Variants in CUBN observed in about 807,000 individuals in gnomAD.
CUBN encodes the protein 460 kDa receptor.
CUBN carries 282 observed loss-of-function variants against 405.3 expected under a neutral mutation model. That is an observed-to-expected ratio of 0.70 (90% CI 0.63 to 0.77). CUBN has a LOEUF of 0.77. Ranked by LOEUF, CUBN falls within the 30% of genes least tolerant of loss-of-function variation. The pLI is 0.00. For missense variants in CUBN, 4,514 were observed against 4,475.2 expected, an observed-to-expected ratio of 1.01 and a Z score of -0.25; for synonymous variants, 1,684 against 1,617.0, an observed-to-expected ratio of 1.04 and a Z score of -0.99.
chr10:17,009,195 T>G lies in CUBN; in HGVS notation c.4168+10638A>C, dbSNP rs184394215. Among the ~76,000 whole-genome samples, 1,066 of 152,372 alleles carry G rather than the reference T, an allele frequency of 7.0e-3. 8 individuals are homozygous for G. The highest frequency in any genetic ancestry group is 0.012 in the Non-Finnish European group (791 of 68,042). On this transcript the variant is annotated intron_variant, in intron 28 of 66. Transcript: ENST00000377833. ...CCTCCCAAGTATAATTTACATATTG[T>G]GAGCAGCACAGAGTTAAAAAACAAT...
At position 16,835,037 on chromosome 10, in the gene CUBN, C is replaced by T. The variant is rs772809239; in HGVS notation, c.10339G>A (p.Glu3447Lys). 2 of 1,613,946 alleles carry T rather than the reference C, an allele frequency of 1.2e-6. No individual in the cohort carries two copies. The highest frequency in any genetic ancestry group is 1.6e-4 in the Middle Eastern group (1 of 6,084). ...ACCTCCAAGAAATCGTTTCTGCATT[C>T]AACTGAGTTCTCGATGCCAAGTGAA... ...FHSLGIENSVECRNDFLEVRN... is the reference protein window; with the variant it reads ...FHSLGIENSVKCRNDFLEVRN... The change falls in exon 64 of 67, where the codon GAA (glutamate) becomes AAA (lysine). Residue 3447 changes from glutamate to lysine, a missense_variant. Glu to Lys is a moderately conservative substitution (Grantham distance 56). This residue lies in a region of CUBN where 1,186 missense variants were observed against 1,186.9 expected (regional missense o/e 1.00). Transcript: ENST00000377833.
chr10:17,095,494 T>C (rs980009556), intron 14 of CUBN, among the ~76,000 whole-genome samples: 2 of 151,966 alleles, frequency 1.3e-5, no homozygotes, highest in Non-Finnish European at 2.9e-5. Flanking sequence ...TCAACAAATA[T>C]ATGAGAAAAT....
intron 22 of CUBN, among the ~76,000 whole-genome samples, chr10:17,057,696 T>C (rs1454621775): frequency 6.6e-6 from 1 of 151,934 alleles, no homozygotes; most frequent in Non-Finnish European, 1.5e-5. Flanking sequence ...AAAAAAAAGC[T>C]CAACTATCTA....
chr10:16,886,242 T>C (rs774168798), intron 56 of CUBN, among the ~76,000 whole-genome samples: 5 of 152,186 alleles, frequency 3.3e-5, no homozygotes, highest in Admixed American at 1.3e-4. Context: ...AGTGAGGTCA[T>C]AGGAAAAAGG....
chr10:16,896,670 T>G (rs1841191608), intron 54 of CUBN, among the ~76,000 whole-genome samples: 2 of 152,246 alleles, frequency 1.3e-5, no homozygotes, highest in African/African-American at 4.8e-5. Flanking sequence ...TTGGTTTAGG[T>G]TCACTCAGCT....
At chr10:16,859,499 ATGGGGGTCCCCAG>A (rs1432653063) in intron 59 of CUBN, among the ~76,000 whole-genome samples, 1 of 152,264 alleles carries the variant, frequency 6.6e-6, no homozygotes, top group East Asian at 1.9e-4. Flanking sequence ...CAGGGGAGGG[ATGGGGGTCCCCAG>A]TTATAGAAAG....
rs762033176 is a variant in CUBN at position 16,940,047 on chromosome 10, C to T, written c.5533G>A (p.Ala1845Thr). ...AACAACTTACTCTTCATAAATGTGG[C>T]CTGGAAGCCCGTGCCGCTGCCAGAA... Reference protein sequence around the residue: ...DGSGSGTGFQATFMKIFGNDN... With the variant: ...DGSGSGTGFQTTFMKIFGNDN... The change falls in exon 37 of 67, where the codon GCC (alanine) becomes ACC (threonine). Residue 1845 changes from alanine (A) to threonine (T), a missense_variant. Coordinates refer to ENST00000377833, the MANE Select transcript of CUBN (RefSeq NM_001081.4). 1 of 1,613,770 alleles carries T rather than the reference C, an allele frequency of 6.2e-7. No individual in the cohort carries two copies. Among genetic ancestry groups the T allele is most frequent in the East Asian group, 2.2e-5 (1 of 44,888 alleles).
At chr10:16,990,611 C>T in intron 28 of CUBN, 96 bp from the exon 29 acceptor site, 1 of 993,866 alleles carries the variant, frequency 1.0e-6, no homozygotes, top group Non-Finnish European at 1.5e-6. Context: ...CAAAAATATA[C>T]AATGCTTAAT....
intron 19 of CUBN, among the ~76,000 whole-genome samples, chr10:17,069,697 C>A (rs1835694083): frequency 6.6e-6 from 1 of 152,074 alleles, no homozygotes; most frequent in Non-Finnish European, 1.5e-5. Context: ...GCGTGTATTA[C>A]CACACTCAGC....
chr10:17,083,243 T>C (rs1387807025), intron 17 of CUBN, among the ~76,000 whole-genome samples: 1 of 152,114 alleles, frequency 6.6e-6, no homozygotes, highest in African/African-American at 2.4e-5. Flanking sequence ...CAGTAGCTCA[T>C]GCCTGTAATC....
In CUBN at chr10:17,085,610, G is replaced by A. The variant is rs2131865338; in HGVS notation, c.2097C>T (p.Tyr699=). 2 of 1,614,128 alleles carry A rather than the reference G, an allele frequency of 1.2e-6. No individual in the cohort carries two copies. The highest frequency in any genetic ancestry group is 1.7e-4 in the Middle Eastern group (1 of 6,054). Residue 699 remains tyrosine (Y), a synonymous_variant, in exon 16 of 67, where the codon TAC becomes TAT. Transcript: ENST00000377833. ...TAGGTTACTTACAAGGTGATGTTAA[G>A]TAGGTGATATGGAAGCCTTGGTCAC... is the stretch of plus-strand genomic sequence containing the variant. ...QISDQGFHIT[Y]LTSPSDLRCG...
intron 14 of CUBN, among the ~76,000 whole-genome samples, chr10:17,098,370 T>C (rs1047903919): frequency 6.6e-6 from 1 of 152,232 alleles, no homozygotes; most frequent in African/African-American, 2.4e-5. Context: ...TCTACAACAC[T>C]AAATTTGTGG....
intron 28 of CUBN, among the ~76,000 whole-genome samples, chr10:17,004,574 G>T (rs117513980): frequency 5.3e-5 from 8 of 151,872 alleles, no homozygotes; most frequent in Non-Finnish European, 1.0e-4. Context: ...ATCATACACC[G>T]CAGGAAAACG....
intron 23 of CUBN, among the ~76,000 whole-genome samples, chr10:17,046,433 A>G (rs142091647): frequency 6.6e-6 from 1 of 152,264 alleles, no homozygotes; most frequent in Non-Finnish European, 1.5e-5. Context: ...TATACTATTA[A>G]CTATATAAAC....
At chr10:16,959,049 G>A (rs755514410) in intron 31 of CUBN, among the ~76,000 whole-genome samples, 21 of 152,078 alleles carry the variant, frequency 1.4e-4, no homozygotes, top group Non-Finnish European at 2.1e-4. Context: ...GTTGTTGCAA[G>A]CCCTTTTTAT....
intron 10 of CUBN, among the ~76,000 whole-genome samples, chr10:17,107,012 A>T (rs36014477): frequency 0.13 from 19,329 of 152,274 alleles, 1,626 homozygotes; most frequent in Middle Eastern, 0.3. Context: ...TTGCCAAGGT[A>T]CAAGGTTAAA....
At position 17,123,534 on chromosome 10, in the gene CUBN, G is replaced by C. The variant is rs745945141; in HGVS notation, c.489+54C>G. The C allele has an allele frequency of 5.2e-5, 69 of 1,320,472 alleles. 1 individual carries two copies. The highest frequency in any genetic ancestry group is 1.8e-4 in the Middle Eastern group (1 of 5,568). 81.8% of individuals were successfully genotyped at this position (1,320,472 alleles called of 1,614,324 possible). ...ATTAAATATGCCTGATGATTCCAAG[G>C]AAACCACAGATGCTGACCTGCCATC... On this transcript the variant is annotated intron_variant, in intron 5 of 66. Coordinates refer to ENST00000377833, the MANE Select transcript of CUBN (RefSeq NM_001081.4).
chr10:16,889,472 C>T (rs1417649758), intron 55 of CUBN, among the ~76,000 whole-genome samples: 4 of 152,198 alleles, frequency 2.6e-5, no homozygotes. Context: ...AAAAATGCTA[C>T]ATTTCCCACG....
intron 64 of CUBN, among the ~76,000 whole-genome samples, chr10:16,834,420 G>A (rs1486673408): frequency 1.3e-5 from 2 of 152,084 alleles, no homozygotes; most frequent in African/African-American, 4.8e-5. Flanking sequence ...GTGTGTGGAC[G>A]ATGGGCAAAC....
Sources: gnomAD v4.1 joint callset for allele counts (sites outside exome capture counted in the v4.1 genomes callset) on GRCh38, gnomAD v4.1.1 for gene constraint, gnomAD v4.1.1 regional missense constraint, MANE v1.5 for transcripts, NCBI Gene and HGNC (gene_info 2026-07-23, HGNC 2026-07-21) for gene names.